Variants in VILL observed in about 807,000 individuals in gnomAD.
VILL encodes villin-like protein.
Under a neutral mutation model 106.3 loss-of-function variants are expected in VILL, and 102 were observed. The observed-to-expected ratio is 0.96, with a 90% CI of 0.82 to 1.13. The LOEUF (loss-of-function observed/expected upper bound fraction) is 1.13, where lower values mean the gene tolerates loss of function less well. Ranked by LOEUF, VILL falls within the 50% of genes most tolerant of loss-of-function variation. VILL has a pLI of 0.00. For missense variants in VILL, 1,076 were observed against 1,116.6 expected, an observed-to-expected ratio of 0.96 and a Z score of 0.52; for synonymous variants, 431 against 440.3, an observed-to-expected ratio of 0.98 and a Z score of 0.27.
intron 1 of VILL, 38 bp from the exon 2 acceptor site, chr3:37,993,549 C>T: frequency 2.5e-6 from 2 of 812,856 alleles, no homozygotes; most frequent in Non-Finnish European, 1.9e-6. Flanking sequence ...TGTGTGTTTA[C>T]AGAGCCCTCC....
rs142867526 is a variant in VILL at position 38,005,836 on chromosome 3, G to A, written c.1995G>A (p.Ala665=). The change falls in exon 17 of 20, where the codon GCG becomes GCA. Residue 665 remains alanine, a synonymous_variant. Transcript: ENST00000383759. ...LGEAASEWKE[A]VAWGQEYLKT... ...AAGCTGCAAGTGAGTGGAAGGAGGC[G>A]GTGGCCTGGGGCCAGGAGTACCTGA... 3.5e-3 allele frequency: 5,583 copies of A among 1,613,750 alleles called. 181 individuals carry two copies. In the South Asian group the frequency reaches 0.055, roughly 16 times the overall value.
chr3:38,003,458 A>G, intron 15 of VILL, 145 bp downstream of exon 15: 1 of 1,111,358 alleles, frequency 9.0e-7, no homozygotes, highest in Non-Finnish European at 1.2e-6. Context: ...AGAGGCTCCC[A>G]CAAGTACAGC....
chr3:37,988,560 G>A (rs1028930575), upstream of VILL, among the ~76,000 whole-genome samples: 2 of 152,182 alleles, frequency 1.3e-5, no homozygotes, highest in South Asian at 2.1e-4. Flanking sequence ...CCACAGAACC[G>A]TATACTTAAA....
Position 38,001,693 on chromosome 3 carries a change from C to A in VILL, c.1321-9C>A, listed in dbSNP as rs1467228194. On this transcript the variant is annotated splice_polypyrimidine_tract_variant and intron_variant, in intron 12 of 19. Transcript: ENST00000383759. The stretch of plus-strand genomic sequence containing the variant: ...GGGCCAGGCCCTCACTCACTGCCCC[C>A]ACCTGCAGGGCCACCAGGCCACTGC... The A allele has an allele frequency of 1.1e-5, 17 of 1,614,018 alleles. No individual in the cohort carries two copies. Among genetic ancestry groups the A allele is most frequent in the East Asian group, 2.2e-5 (1 of 44,892 alleles).
chr3:37,997,397 C>A lies in VILL; in HGVS notation c.562-86C>A. 1 of 1,453,210 alleles carries A rather than the reference C, an allele frequency of 6.9e-7. No individual in the cohort carries two copies. The highest frequency in any genetic ancestry group is 9.5e-7 in the Non-Finnish European group (1 of 1,054,710). 90.0% of individuals were successfully genotyped at this position (1,453,210 alleles called of 1,614,324 possible). ...GACATCAGCCCTTCTCCCCATCAGC[C>A]TCTGGGAGCTGAGCAGTGACAGGAG... On this transcript the variant is annotated intron_variant, in intron 6 of 19. Coordinates refer to ENST00000383759, the MANE Select transcript of VILL (RefSeq NM_015873.4). This position sits in a 1 kb window ranked among gnomAD's most constrained non-coding sequence, Gnocchi z 4.7.
In VILL at chr3:38,007,161, T is replaced by A; in HGVS notation, c.*106T>A. ...CAGAGGCTTTTGGTCATCCTCTGCG[T>A]GTCAGTAAAAGCAGGCAGCCCATAC... On this transcript the variant is annotated 3_prime_UTR_variant, in exon 20 of 20. Transcript: ENST00000383759. The A allele has an allele frequency of 1.1e-6, 1 of 942,112 alleles. No homozygotes were observed. The highest frequency in any genetic ancestry group is 1.6e-6 in the Non-Finnish European group (1 of 606,416). 58.4% of individuals were successfully genotyped at this position (942,112 alleles called of 1,614,324 possible).
In VILL at chr3:37,993,653, A is replaced by G; in HGVS notation, c.-20A>G. 1 of 1,613,106 alleles carries G rather than the reference A, an allele frequency of 6.2e-7. No homozygotes were observed. The highest frequency in any genetic ancestry group is 1.3e-5 in the African/African-American group (1 of 74,992). ...TGGCTGTTGTTCCTTGTGTCGTCCC[A>G]TATTCCTGCCTGGCCTGCGATGGAC... On this transcript the variant is annotated 5_prime_UTR_variant, in exon 2 of 20. Transcript: ENST00000383759.
At chr3:38,002,652 C>CA in intron 14 of VILL, 77 bp downstream of exon 14, 1 of 1,497,726 alleles carries the variant, frequency 6.7e-7, no homozygotes, top group Middle Eastern at 1.8e-4. Flanking sequence ...CTCCACAGGG[C>CA]ATGCAGACTT....
chr3:37,998,835 G>A lies in VILL; in HGVS notation c.943-77G>A, dbSNP rs775353087. ...CGCTTCTTGGAGCTCGGCTGTCCCA[G>A]AGCGGTAGGTCCCCAGGAGCGGCAG... On this transcript the variant is annotated intron_variant, in intron 9 of 19. Coordinates refer to ENST00000383759, the MANE Select transcript of VILL (RefSeq NM_015873.4). This position sits in a 1 kb window ranked among gnomAD's most constrained non-coding sequence, Gnocchi z 4.1. 1 of 1,525,200 alleles carries A rather than the reference G, an allele frequency of 6.6e-7. No homozygotes were observed. The highest frequency in any genetic ancestry group is 1.2e-5 in the South Asian group (1 of 81,156). The allele number at this position is 1,525,200 out of a possible 1,614,324, so 94.5% of individuals were successfully genotyped here. A position where few individuals can be genotyped will look rare whatever the true frequency, so the allele number is the denominator to read the frequency against.
chr3:37,989,631 G>C (rs1447092828), upstream of VILL, among the ~76,000 whole-genome samples: 2 of 152,170 alleles, frequency 1.3e-5, no homozygotes, highest in Non-Finnish European at 2.9e-5. Context: ...GTGGGAAGAA[G>C]TGAGGACACA....
chr3:38,003,342 A>T, intron 15 of VILL, 29 bp downstream of exon 15: 1 of 1,573,370 alleles, frequency 6.4e-7, no homozygotes, highest in South Asian at 1.2e-5. Context: ...GAGTGTTCTT[A>T]CCCAGAGGAG....
chr3:37,988,333 G>A (rs1469232488), upstream of VILL: 2 of 152,188 alleles, frequency 1.3e-5, no homozygotes, highest in Non-Finnish European at 2.9e-5. Context: ...GGTTTGGGGA[G>A]GGGGGTGATG....
intron 13 of VILL, 146 bp downstream of exon 13, chr3:38,002,006 G>C: frequency 7.4e-7 from 1 of 1,358,572 alleles, no homozygotes; most frequent in East Asian, 2.5e-5. Flanking sequence ...AGGCCCAGGA[G>C]CTCCAAGGTT....
In VILL at chr3:37,998,273, A is replaced by G. The variant is rs1390294840; in HGVS notation, c.851A>G (p.Tyr284Cys). 3.1e-6 allele frequency: 5 copies of G among 1,614,014 alleles called. No homozygotes were observed. The highest frequency in any genetic ancestry group is 2.7e-5 in the African/African-American group (2 of 74,926). Residue 284 changes from tyrosine to cysteine, a missense_variant, in exon 9 of 20, where the codon TAC becomes TGC. Coordinates refer to ENST00000383759, the MANE Select transcript of VILL (RefSeq NM_015873.4). This position sits in a 1 kb window ranked among gnomAD's most constrained non-coding sequence, Gnocchi z 4.1. ...TQDLLQEEDF[Y>C]ILDQGGFKIY... ...CCCCACCCTTGCTCCCAGGACTTCT[A>G]CATCCTGGACCAGGGTGGCTTCAAG...
chr3:37,999,187 G>A (rs1699767295), intron 10 of VILL, 137 bp downstream of exon 10: 1 of 1,238,760 alleles, frequency 8.1e-7, no homozygotes, highest in Non-Finnish European at 1.1e-6. Context: ...TGCACGGGGC[G>A]GAACAGAGCC....
Position 38,001,480 on chromosome 3 carries a change from A to C in VILL, c.1207A>C (p.Arg403=). 1 of 1,614,196 alleles carries C rather than the reference A, an allele frequency of 6.2e-7. No individual in the cohort carries two copies. The highest frequency in any genetic ancestry group is 8.5e-7 in the Non-Finnish European group (1 of 1,180,010). Residue 403 remains arginine, a synonymous_variant, in exon 12 of 20, where the codon AGG becomes CGG. Transcript: ENST00000383759. ...GGTGTGGTGCATCCAGGACTTACAC[A>C]GGCAGCCCGTGGACCCCAAGCGTCA... ...VEVWCIQDLH[R]QPVDPKRHGQ...
At chr3:38,006,323 G>C in intron 18 of VILL, 71 bp downstream of exon 18, 1 of 1,611,444 alleles carries the variant, frequency 6.2e-7, no homozygotes, top group Non-Finnish European at 8.5e-7. Flanking sequence ...ATGGGCAGGG[G>C]AAGTGCCAGG....
intron 10 of VILL, 68 bp from the exon 11 acceptor site, chr3:37,999,271 T>A: frequency 1.6e-6 from 1 of 613,490 alleles, no homozygotes; most frequent in Non-Finnish European, 2.0e-6. Context: ...GGTTGAGGAG[T>A]GGGCGGGGCG....
In VILL at chr3:37,993,986, G is replaced by T; in HGVS notation, c.135+14G>T. ...GTCATCCTCCACGTGAGTCGCTTGG[G>T]GAAGTCTGCCTGAGAGGGGTGGCAT... On this transcript the variant is annotated intron_variant, in intron 3 of 19. Transcript: ENST00000383759. 6.2e-7 allele frequency: 1 copy of T among 1,614,142 alleles called. No individual in the cohort carries two copies. The highest frequency in any genetic ancestry group is 8.5e-7 in the Non-Finnish European group (1 of 1,179,990).
Sources: allele counts gnomAD v4.1 joint callset (sites outside exome capture counted in the v4.1 genomes callset), GRCh38; gene constraint gnomAD v4.1.1; non-coding constraint Gnocchi (gnomAD v3.1); transcripts MANE v1.5; gene names NCBI Gene and HGNC (gene_info 2026-07-23, HGNC 2026-07-21).